The following TTC27 variants were observed in gnomAD, a reference collection of about 807,000 sequenced individuals.
TTC27 encodes tetratricopeptide repeat protein 27.
Under a neutral mutation model 115.9 loss-of-function variants are expected in TTC27, and 79 were observed. The observed-to-expected ratio is 0.68, with a 90% CI of 0.57 to 0.82. TTC27 has a LOEUF of 0.82. Ranked by LOEUF, TTC27 falls within the 40% of genes least tolerant of loss-of-function variation. The pLI, the probability that TTC27 is intolerant of heterozygous loss-of-function variation, is 0.00. For synonymous variants in TTC27, 401 were observed against 356.0 expected (o/e 1.13, Z -1.42); for missense variants, 1,054 against 993.1 (o/e 1.06, Z -0.82).
intron 13 of TTC27, among the ~76,000 whole-genome samples, chr2:32,760,039 G>A (rs1046534900): frequency 3.9e-5 from 6 of 152,222 alleles, no homozygotes; most frequent in African/African-American, 1.4e-4. Context: ...ATTGTGAGTA[G>A]TGCTGCTGTG....
intron 8 of TTC27, among the ~76,000 whole-genome samples, chr2:32,677,418 A>G (rs1666251005): frequency 6.6e-6 from 1 of 152,006 alleles, no homozygotes. Flanking sequence ...AGTCGAGGAT[A>G]TGTGAATGTT....
chr2:32,816,270 T>C (rs1276712794), intron 18 of TTC27, among the ~76,000 whole-genome samples: 1 of 151,986 alleles, frequency 6.6e-6, no homozygotes, highest in East Asian at 1.9e-4. Context: ...TGAGCCATGA[T>C]TGTGTCACTG....
chr2:32,666,232 C>T (rs1246388309), intron 6 of TTC27, among the ~76,000 whole-genome samples: 1 of 152,152 alleles, frequency 6.6e-6, no homozygotes, highest in Non-Finnish European at 1.5e-5. Flanking sequence ...TGGCTTTAAG[C>T]TCTGGTTCTG....
At chr2:32,806,739 C>T (rs1032045805) in intron 16 of TTC27, among the ~76,000 whole-genome samples, 1 of 151,946 alleles carries the variant, frequency 6.6e-6, no homozygotes, top group African/African-American at 2.4e-5. Context: ...CAAGATCGCG[C>T]CACTGCACTC....
chr2:32,721,209 G>T (rs549926245), intron 10 of TTC27, among the ~76,000 whole-genome samples: 2 of 152,288 alleles, frequency 1.3e-5, no homozygotes, highest in African/African-American at 4.8e-5. Context: ...AGCTTTTCAT[G>T]ACTCTTGACC....
chr2:32,790,716 C>A (rs1670506750), intron 16 of TTC27, among the ~76,000 whole-genome samples: 1 of 152,072 alleles, frequency 6.6e-6, no homozygotes, highest in African/African-American at 2.4e-5. Context: ...ATTTCCTCCC[C>A]ACCCCACCTC....
intron 13 of TTC27, among the ~76,000 whole-genome samples, chr2:32,764,951 A>G (rs925048133): frequency 1.8e-4 from 27 of 152,186 alleles, no homozygotes; most frequent in African/African-American, 6.3e-4. Context: ...TTTCTGCCAC[A>G]CGTGTAGTGA....
Position 32,633,982 on chromosome 2 carries a change from G to A in TTC27, c.373G>A (p.Val125Ile). The A allele has an allele frequency of 6.2e-7, 1 of 1,613,348 alleles. No individual in the cohort carries two copies. Among genetic ancestry groups the A allele is most frequent in the Non-Finnish European group, 8.5e-7 (1 of 1,179,620 alleles). The stretch of plus-strand genomic sequence containing the variant: ...ACACCCTCAGGACTTTTTGTCATCT[G>A]TTTTGTTCCAGCAATTCAGTGAGGT... ...DLHPQDFLSSVLFQQFSEVKG... is the reference protein window; with the variant it reads ...DLHPQDFLSSILFQQFSEVKG... Residue 125 changes from valine to isoleucine, a missense_variant, in exon 3 of 20, where the codon GTT (valine) becomes ATT (isoleucine). Coordinates refer to ENST00000317907, the MANE Select transcript of TTC27 (RefSeq NM_017735.5).
chr2:32,752,204 C>CGG lies in TTC27; in HGVS notation c.1453-6087_1453-6086dup, dbSNP rs1669043186. Among the ~76,000 whole-genome samples the CGG allele has an allele frequency of 2.0e-5, 3 of 152,316 alleles. No homozygotes were observed. The East Asian group carries it at 5.8e-4, about 29-fold the overall frequency. ...CCTCTAAGCTTTTCCCCAGCTTACA[C>CGG]GGAACATCTACCATAGCACTTTTCA... is the stretch of plus-strand genomic sequence containing the variant. On this transcript the variant is annotated intron_variant, in intron 12 of 19. Transcript: ENST00000317907.
At chr2:32,671,125 C>A (rs1231203802) in intron 7 of TTC27, among the ~76,000 whole-genome samples, 3 of 152,132 alleles carry the variant, frequency 2.0e-5, no homozygotes, top group Non-Finnish European at 2.9e-5. Flanking sequence ...TCTTATAATT[C>A]ATACTTTTTG....
intron 11 of TTC27, among the ~76,000 whole-genome samples, chr2:32,735,073 A>G (rs1668407143): frequency 6.6e-6 from 1 of 152,214 alleles, no homozygotes; most frequent in Non-Finnish European, 1.5e-5. Context: ...GTAGTGAGTT[A>G]GAAACATAAA....
At chr2:32,790,158 G>T (rs1158026892) in intron 16 of TTC27, among the ~76,000 whole-genome samples, 2 of 151,704 alleles carry the variant, frequency 1.3e-5, no homozygotes, top group African/African-American at 4.8e-5. Context: ...TTTTACTCCT[G>T]TAATCATGGG....
At position 32,805,529 on chromosome 2, in the gene TTC27, C is replaced by T. The variant is rs1045218756; in HGVS notation, c.1999-5495C>T. Among the ~76,000 whole-genome samples, 4 of 152,208 alleles carry T rather than the reference C, an allele frequency of 2.6e-5. No individual in the cohort carries two copies. The East Asian group carries it at 5.8e-4, about 22-fold the overall frequency. On this transcript the variant is annotated intron_variant, in intron 16 of 19. Coordinates refer to ENST00000317907, the MANE Select transcript of TTC27 (RefSeq NM_017735.5). ...GAATTTAATGAAATCGGGTAGGTCA[C>T]GTGCTTAGCACAGGGTTTGGCACAA...
chr2:32,649,545 A>ATTTT (rs202170602), intron 4 of TTC27, among the ~76,000 whole-genome samples: 18 of 136,336 alleles, frequency 1.3e-4, no homozygotes, highest in African/African-American at 4.8e-4. Context: ...TGAATACAAC[A>ATTTT]TTTTTTTTTT....
intron 2 of TTC27, 25 bp downstream of exon 2, chr2:32,630,725 T>C (rs767184514): frequency 1.3e-6 from 2 of 1,591,312 alleles, no homozygotes; most frequent in South Asian, 2.3e-5. Flanking sequence ...GAAATTTTCA[T>C]AGAGGAACAG....
chr2:32,772,310 T>C (rs915335725), intron 13 of TTC27, among the ~76,000 whole-genome samples: 2 of 152,228 alleles, frequency 1.3e-5, no homozygotes, highest in Non-Finnish European at 2.9e-5. Flanking sequence ...AGCATCATTT[T>C]CCTCTAGATC....
At chr2:32,781,546 T>C (rs562433961) in intron 14 of TTC27, among the ~76,000 whole-genome samples, 1 of 152,178 alleles carries the variant, frequency 6.6e-6, no homozygotes, top group African/African-American at 2.4e-5. Flanking sequence ...AAATTATTCC[T>C]AAATCAGCTT....
chr2:32,747,396 C>T (rs1668867358), intron 12 of TTC27, among the ~76,000 whole-genome samples: 1 of 152,144 alleles, frequency 6.6e-6, no homozygotes, highest in Non-Finnish European at 1.5e-5. Flanking sequence ...GCCTATTCTA[C>T]CTTAAATGTG....
intron 16 of TTC27, 94 bp from the exon 17 acceptor site, chr2:32,810,930 A>G (rs1558355931): frequency 5.1e-6 from 7 of 1,380,438 alleles, no homozygotes; most frequent in Non-Finnish European, 4.0e-6. Context: ...AAGGTTTTTC[A>G]TTGTCATTGT....
Sources: gnomAD v4.1 joint callset for allele counts (sites outside exome capture counted in the v4.1 genomes callset) on GRCh38, gnomAD v4.1.1 for gene constraint, MANE v1.5 for transcripts, NCBI Gene and HGNC (gene_info 2026-07-23, HGNC 2026-07-21) for gene names.